DACH2: variants seen among roughly 807,000 people sequenced by gnomAD.
The protein encoded by DACH2 is dachshund homolog 2.
Under a neutral mutation model 35.8 loss-of-function variants are expected in DACH2, and 17 were observed. The observed-to-expected ratio is 0.48, with a 90% CI of 0.33 to 0.71. The LOEUF is 0.71. DACH2 is among the 30% of genes least tolerant of loss of function. DACH2 has a pLI of 0.02. For missense variants in DACH2, 469 were observed against 472.7 expected (o/e 0.99, Z 0.07); for synonymous variants, 195 against 177.3 (o/e 1.10, Z -0.79).
intron 3 of DACH2, among the ~76,000 whole-genome samples, chrX:86,519,638 C>A (rs966038486): frequency 1.8e-5 from 2 of 111,179 alleles, no homozygotes; most frequent in South Asian, 7.4e-4. Context: ...TGTGTATGTC[C>A]AGGAATTTAT....
At chrX:86,814,347 C>A (rs2042425007) in intron 9 of DACH2, among the ~76,000 whole-genome samples, 1 of 111,820 alleles carries the variant, frequency 8.9e-6, no homozygotes, top group Non-Finnish European at 1.9e-5. Context: ...AAGAGGATTA[C>A]AAAATGTTTA....
At chrX:86,736,555 G>A (rs1020938613) in intron 6 of DACH2, among the ~76,000 whole-genome samples, 2 of 110,707 alleles carry the variant, frequency 1.8e-5, no homozygotes, top group African/African-American at 6.5e-5. Context: ...TTTTGTTAAC[G>A]TTCTTGATAT....
chrX:86,339,131 A>C (rs1469843700), intron 1 of DACH2, among the ~76,000 whole-genome samples: 1 of 111,755 alleles, frequency 8.9e-6, no homozygotes, highest in Non-Finnish European at 1.9e-5. Context: ...GAATTCTACC[A>C]GAGGTACAAA....
intron 3 of DACH2, among the ~76,000 whole-genome samples, chrX:86,583,985 G>T (rs1377118980): frequency 9.0e-6 from 1 of 111,027 alleles, no homozygotes; most frequent in Non-Finnish European, 1.9e-5. Flanking sequence ...TCCTAGAAGA[G>T]ATTATATAGA....
At chrX:86,432,069 A>T (rs991971625) in intron 2 of DACH2, among the ~76,000 whole-genome samples, 1 of 112,105 alleles carries the variant, frequency 8.9e-6, no homozygotes, top group African/African-American at 3.2e-5. Context: ...ATAAAAAAGA[A>T]ATCTATTTGC....
At chrX:86,527,950 G>A (rs1015336568) in intron 3 of DACH2, among the ~76,000 whole-genome samples, 1 of 111,951 alleles carries the variant, frequency 8.9e-6, no homozygotes, top group Non-Finnish European at 1.9e-5. Flanking sequence ...TTGCATTAAA[G>A]TAAGTCATAC....
intron 7 of DACH2, among the ~76,000 whole-genome samples, chrX:86,776,199 G>A (rs1041568520): frequency 9.0e-6 from 1 of 111,682 alleles, no homozygotes; most frequent in Non-Finnish European, 1.9e-5. Context: ...GACTTAAACA[G>A]CAAACTTTTT....
chrX:86,234,830 C>G (rs2033023180), intron 1 of DACH2, among the ~76,000 whole-genome samples: 1 of 110,816 alleles, frequency 9.0e-6, no homozygotes, highest in Non-Finnish European at 1.9e-5. Flanking sequence ...CCAGACTGGT[C>G]TGGAACTCCT....
chrX:86,741,450 T>G (rs1189569579), intron 7 of DACH2, among the ~76,000 whole-genome samples: 1 of 111,888 alleles, frequency 8.9e-6, no homozygotes, highest in Non-Finnish European at 1.9e-5. Flanking sequence ...TTTGTTTTGC[T>G]TTTCAGCATT....
intron 1 of DACH2, among the ~76,000 whole-genome samples, chrX:86,169,230 C>T (rs2031044878): frequency 9.0e-6 from 1 of 111,612 alleles, no homozygotes; most frequent in Non-Finnish European, 1.9e-5. Context: ...GCCACTTTCT[C>T]CCGGCCTGTA....
Position 86,399,208 on chromosome X carries a change from G to A in DACH2, c.527+22346G>A, listed in dbSNP as rs1045701196. Among the ~76,000 whole-genome samples the A allele has an allele frequency of 5.4e-5, 6 of 111,513 alleles. No individual in the cohort carries two copies. In the Admixed American group the frequency reaches 5.7e-4, roughly 11 times the overall value. ...ATCAGAGACTAGGATTGCAACCCCTGCCTTTTTTTGTTTTCCATTTGCTTG... is the reference window on the plus strand; with the variant it reads ...ATCAGAGACTAGGATTGCAACCCCTACCTTTTTTTGTTTTCCATTTGCTTG... On this transcript the variant is annotated intron_variant, in intron 2 of 11. Coordinates refer to ENST00000373125, the MANE Select transcript of DACH2 (RefSeq NM_053281.3).
At chrX:86,539,176 G>C (rs1447066114) in intron 3 of DACH2, among the ~76,000 whole-genome samples, 1 of 110,878 alleles carries the variant, frequency 9.0e-6, no homozygotes, top group Non-Finnish European at 1.9e-5. Flanking sequence ...TCTTGTAATA[G>C]TGAATGAGTT....
At chrX:86,367,753 G>A (rs1343762363) in intron 1 of DACH2, among the ~76,000 whole-genome samples, 1 of 111,682 alleles carries the variant, frequency 9.0e-6, no homozygotes, top group Non-Finnish European at 1.9e-5. Flanking sequence ...ACCCTGTTAC[G>A]TTCAGAATTG....
intron 1 of DACH2, among the ~76,000 whole-genome samples, chrX:86,245,139 T>C (rs1477749733): frequency 2.7e-5 from 3 of 111,995 alleles, no homozygotes; most frequent in Non-Finnish European, 5.6e-5. Flanking sequence ...TAAAAGCTGT[T>C]ATTGTTTTAT....
chrX:86,191,316 T>C (rs1262033616), intron 1 of DACH2, among the ~76,000 whole-genome samples: 4 of 112,050 alleles, frequency 3.6e-5, no homozygotes, highest in Non-Finnish European at 5.6e-5. Context: ...AACAAGACCA[T>C]GTCCTTTGCA....
intron 4 of DACH2, among the ~76,000 whole-genome samples, chrX:86,660,081 C>CT (rs1375769525): frequency 4.5e-5 from 5 of 111,042 alleles, no homozygotes; most frequent in Non-Finnish European, 9.5e-5. Context: ...TTGGAAAATA[C>CT]TTTTTTTGTA....
At chrX:86,823,785 C>T (rs1241453442) in intron 11 of DACH2, among the ~76,000 whole-genome samples, 7 of 111,099 alleles carry the variant, frequency 6.3e-5, no homozygotes, top group African/African-American at 2.3e-4. Flanking sequence ...CTACCTGAGC[C>T]TTAAAGCCAG....
intron 10 of DACH2, 88 bp downstream of exon 10, chrX:86,814,922 G>A: frequency 2.0e-6 from 2 of 995,921 alleles, no homozygotes; most frequent in Non-Finnish European, 1.4e-6. Context: ...AAGAGAGGAA[G>A]GCAGAAAGAA....
At chrX:86,511,807 A>G (rs780498781) in intron 2 of DACH2, among the ~76,000 whole-genome samples, 113 of 111,901 alleles carry the variant, frequency 1.0e-3, no homozygotes, top group Non-Finnish European at 1.3e-3. Context: ...AGTGAATAAG[A>G]CAATGGGATC....
Sources: gnomAD v4.1 joint callset for allele counts (sites outside exome capture counted in the v4.1 genomes callset) on GRCh38, gnomAD v4.1.1 for gene constraint, MANE v1.5 for transcripts, NCBI Gene and HGNC (gene_info 2026-07-23, HGNC 2026-07-21) for gene names.